The following REV1 variants were observed in gnomAD, a reference collection of about 807,000 sequenced individuals.
REV1 encodes REV1 DNA directed polymerase.
REV1 carries 42 observed loss-of-function variants against 137.4 expected under a neutral mutation model. The observed-to-expected ratio is 0.31, with a 90% CI of 0.24 to 0.40. The LOEUF (loss-of-function observed/expected upper bound fraction) is 0.40. Among genes scored for constraint, REV1 ranks in the 10% least tolerant of loss-of-function variants. The pLI is 1.00. For synonymous variants in REV1, 524 were observed against 519.2 expected, an observed-to-expected ratio of 1.01 and a Z score of -0.12; for missense variants, 1,282 against 1,490.1, an observed-to-expected ratio of 0.86 and a Z score of 2.30.
Position 99,438,827 on chromosome 2 carries a change from T to C in REV1, c.987A>G (p.Val329=), listed in dbSNP as rs1380982135. The C allele has an allele frequency of 6.2e-7, 1 of 1,614,122 alleles. No individual in the cohort carries two copies. The highest frequency in any genetic ancestry group is 8.5e-7 in the Non-Finnish European group (1 of 1,180,040). Residue 329 remains valine (V), a synonymous_variant, in exon 6 of 23, where the codon GTA becomes GTG. Transcript: ENST00000258428. ...AAGGTGCTGCCTTGCTAAACGTAGA[T>C]ACTGAAGAAGTGCTTTTTGTGCTTG... ...GPSSTKSTSS[V]STFSKAAPSV... is the part of the protein sequence containing the mutation.
At chr2:99,462,894 C>T (rs1198752676) in intron 2 of REV1, 4 of 257,676 alleles carry the variant, frequency 1.6e-5, no homozygotes, top group African/African-American at 9.1e-5. Context: ...TTGAGACCAG[C>T]TTGGCCAACA....
intron 9 of REV1, among the ~76,000 whole-genome samples, chr2:99,427,376 C>T (rs992608793): frequency 2.6e-5 from 4 of 152,168 alleles, no homozygotes; most frequent in African/African-American, 9.7e-5. Context: ...TACCTTCTCA[C>T]TGATTCCATA....
At chr2:99,425,449 CTGGGTATAGGA>C (rs368644596) in intron 9 of REV1, among the ~76,000 whole-genome samples, 40 of 152,236 alleles carry the variant, frequency 2.6e-4, no homozygotes, top group African/African-American at 9.4e-4. Flanking sequence ...TAGCGAGGTG[CTGGGTATAGGA>C]TGGCAAATAA....
chr2:99,402,981 G>C lies in REV1; in HGVS notation c.3292C>G (p.Pro1098Ala), dbSNP rs768592498. ...SPLNNKLLNS[P>A]AKTLPGACGS... is the part of the protein sequence containing the mutation. ...CAGGCCCCTGGCAGAGTTTTTGCAG[G>C]ACTGTTAAGCAGCTTGTTATTCAAA... The change falls in exon 20 of 23, where the codon CCT (proline) becomes GCT (alanine). Residue 1098 changes from proline (P) to alanine (A), a missense_variant. Physicochemically the swap from Pro to Ala is conservative, Grantham distance 27. Transcript: ENST00000258428. 1.2e-6 allele frequency: 2 copies of C among 1,614,164 alleles called. No homozygotes were observed. Among genetic ancestry groups the C allele is most frequent in the South Asian group, 2.2e-5 (2 of 91,080 alleles).
intron 3 of REV1, among the ~76,000 whole-genome samples, chr2:99,451,136 A>C (rs1444906714): frequency 6.6e-6 from 1 of 152,222 alleles, no homozygotes; most frequent in Non-Finnish European, 1.5e-5. Context: ...GAGAAGTATC[A>C]AATTAAAGGC....
At chr2:99,416,460 G>A (rs896458915) in intron 12 of REV1, among the ~76,000 whole-genome samples, 1 of 152,314 alleles carries the variant, frequency 6.6e-6, no homozygotes, top group Non-Finnish European at 1.5e-5. Context: ...TAACAGTCAG[G>A]TTAAGGATTT....
intron 1 of REV1, among the ~76,000 whole-genome samples, chr2:99,488,568 A>AAT: frequency 4.0e-5 from 2 of 49,786 alleles, no homozygotes; most frequent in African/African-American, 6.7e-5. Context: ...TGTATACTGG[A>AAT]GAATGATTCC....
Position 99,410,968 on chromosome 2 carries a change from C to T in REV1, c.2173-101G>A, listed in dbSNP as rs1677054345. 2.7e-6 allele frequency: 3 copies of T among 1,099,234 alleles called. 1 individual carries two copies. The South Asian group carries it at 5.0e-5, about 18-fold the overall frequency. The allele number at this position is 1,099,234 out of a possible 1,614,324, so 68.1% of individuals were successfully genotyped here. On this transcript the variant is annotated intron_variant, in intron 13 of 22. Transcript: ENST00000258428. ...CTTTGAATATTAAACATGTTGGTTA[C>T]TCACTATCACGCTCAGCATCTATTA... is the stretch of plus-strand genomic sequence containing the variant.
intron 1 of REV1, among the ~76,000 whole-genome samples, chr2:99,470,999 C>A (rs1471452170): frequency 6.6e-6 from 1 of 152,170 alleles, no homozygotes; most frequent in Non-Finnish European, 1.5e-5. Context: ...GAAATATTTA[C>A]TGAATGTAGT....
intron 4 of REV1, among the ~76,000 whole-genome samples, chr2:99,442,842 A>G (rs1479825812): frequency 6.6e-6 from 1 of 152,206 alleles, no homozygotes; most frequent in African/African-American, 2.4e-5. Context: ...AAATAAAAAT[A>G]TAGGACAAAA....
chr2:99,468,832 T>C (rs542982178), intron 1 of REV1, among the ~76,000 whole-genome samples: 1 of 152,234 alleles, frequency 6.6e-6, no homozygotes, highest in African/African-American at 2.4e-5. Context: ...ACTACTGTTA[T>C]AGTAATCTAC....
At chr2:99,407,445 G>C (rs373594395) in intron 15 of REV1, among the ~76,000 whole-genome samples, 39 of 151,530 alleles carry the variant, frequency 2.6e-4, no homozygotes, top group African/African-American at 9.4e-4. Context: ...CCAGCTACTC[G>C]GGAGGCTGAA....
At chr2:99,447,391 C>T (rs1040515615) in intron 4 of REV1, among the ~76,000 whole-genome samples, 9 of 152,156 alleles carry the variant, frequency 5.9e-5, no homozygotes, top group East Asian at 1.9e-4. Context: ...AGGATGTTCT[C>T]GATCTCTTGA....
At chr2:99,403,465 C>A in intron 19 of REV1, 1 of 617,554 alleles carries the variant, frequency 1.6e-6, no homozygotes, top group South Asian at 2.2e-5. Flanking sequence ...CCTATTCCAA[C>A]TTTTTAAAAA....
intron 12 of REV1, among the ~76,000 whole-genome samples, chr2:99,413,919 T>C (rs1677508923): frequency 6.6e-6 from 1 of 152,174 alleles, no homozygotes; most frequent in Non-Finnish European, 1.5e-5. Context: ...ACACCTGTAA[T>C]CCCAATACTT....
intron 4 of REV1, among the ~76,000 whole-genome samples, chr2:99,447,854 G>A (rs186106843): frequency 7.2e-5 from 11 of 152,126 alleles, no homozygotes; most frequent in Admixed American, 4.6e-4. Context: ...CCAAGTAACC[G>A]GGATTACAGG....
rs1684629185 is a variant in REV1, at chr2:99,464,934, G to A, written c.42C>T (p.Gly14=). 2 of 1,613,074 alleles carry A rather than the reference G, an allele frequency of 1.2e-6. No homozygotes were observed. Among genetic ancestry groups the A allele is most frequent in the African/African-American group, 1.3e-5 (1 of 74,832 alleles). ...TTTTAAAACACACCCATGTTTCCCA[G>A]CCATCATTTTCAGCTCGCTTCCTCC... ...GGWRKRAEND[G]WETWGGYMAA... The change falls in exon 2 of 23, where the codon GGC becomes GGT. Residue 14 remains glycine (G), a synonymous_variant. Transcript: ENST00000258428.
intron 22 of REV1, among the ~76,000 whole-genome samples, chr2:99,401,645 G>A (rs1675439102): frequency 6.6e-6 from 1 of 152,164 alleles, no homozygotes; most frequent in Non-Finnish European, 1.5e-5. Flanking sequence ...TACCCGGGAG[G>A]CTGAGGCAGG....
chr2:99,416,823 G>GAA (rs1053096189), intron 12 of REV1, among the ~76,000 whole-genome samples: 1 of 146,886 alleles, frequency 6.8e-6, no homozygotes, highest in Non-Finnish European at 1.5e-5. Context: ...TGAGGCAGGA[G>GAA]AATGGCGTGA....
Sources: allele counts gnomAD v4.1 joint callset (sites outside exome capture counted in the v4.1 genomes callset), GRCh38; gene constraint gnomAD v4.1.1; transcripts MANE v1.5; gene names NCBI Gene and HGNC (gene_info 2026-07-23, HGNC 2026-07-21).